The following FARP2 variants were observed in gnomAD, a reference collection of about 807,000 sequenced individuals.
FARP2 encodes FERM, ARHGEF and pleckstrin domain-containing protein 2.
A neutral mutation model predicts 130.5 loss-of-function variants in FARP2; 111 were observed. The observed-to-expected ratio is 0.85, with a 90% CI of 0.73 to 1.00. FARP2 has a LOEUF of 1.00. FARP2 is among the 50% of genes least tolerant of loss of function. The pLI, the probability that FARP2 is intolerant of heterozygous loss-of-function variation, is 0.00. For missense variants in FARP2, 1,385 were observed against 1,346.3 expected, an observed-to-expected ratio of 1.03 and a Z score of -0.45; for synonymous variants, 504 against 516.9, an observed-to-expected ratio of 0.98 and a Z score of 0.34.
intron 1 of FARP2, among the ~76,000 whole-genome samples, chr2:241,359,448 A>G (rs2061134968): frequency 6.6e-6 from 1 of 152,068 alleles, no homozygotes; most frequent in Non-Finnish European, 1.5e-5. Flanking sequence ...GGCCCACTAG[A>G]GCTCGCGCAG....
intron 10 of FARP2, 42 bp downstream of exon 10, chr2:241,434,363 T>G: frequency 6.9e-7 from 1 of 1,453,878 alleles, no homozygotes; most frequent in East Asian, 2.4e-5. Context: ...CTCACTGGTT[T>G]GTAAAGCTGA....
intron 26 of FARP2, 114 bp downstream of exon 26, chr2:241,493,558 A>G (rs2124927825): frequency 1.1e-6 from 1 of 918,774 alleles, no homozygotes; most frequent in South Asian, 1.5e-5. Flanking sequence ...GGAAGGGCTG[A>G]GCAATGCTTC....
At chr2:241,466,828 G>A (rs575326603) in intron 17 of FARP2, among the ~76,000 whole-genome samples, 1 of 152,130 alleles carries the variant, frequency 6.6e-6, no homozygotes, top group South Asian at 2.1e-4. Context: ...ATGTAAATAC[G>A]GCCAGCTCTT....
chr2:241,424,684 A>G (rs2062887317), intron 8 of FARP2, among the ~76,000 whole-genome samples: 1 of 150,900 alleles, frequency 6.6e-6, no homozygotes, highest in African/African-American at 2.4e-5. Flanking sequence ...TTTTGAAAAA[A>G]TTAATAAAAT....
At chr2:241,437,136 T>C (rs1279347522) in intron 12 of FARP2, among the ~76,000 whole-genome samples, 1 of 152,258 alleles carries the variant, frequency 6.6e-6, no homozygotes, top group Non-Finnish European at 1.5e-5. Flanking sequence ...TGTTAACTGC[T>C]GAAAGCATGG....
chr2:241,404,013 A>G lies in FARP2; in HGVS notation c.288+81A>G, dbSNP rs2062266263. The G allele has an allele frequency of 1.6e-5, 12 of 738,982 alleles. No individual in the cohort carries two copies. In the South Asian group the frequency reaches 1.8e-4, roughly 11 times the overall value. 45.8% of individuals were successfully genotyped at this position (738,982 alleles called of 1,614,324 possible). A position where few individuals can be genotyped will look rare whatever the true frequency, so the allele number is the denominator to read the frequency against. On this transcript the variant is annotated intron_variant, in intron 3 of 26. Coordinates refer to ENST00000264042, the MANE Select transcript of FARP2 (RefSeq NM_014808.4). ...CCGCAAGATCTTTCATCATTGCCAC[A>G]TCATCAGCATTAAATGTTTTTGCTA... is the stretch of plus-strand genomic sequence containing the variant.
intron 13 of FARP2, among the ~76,000 whole-genome samples, chr2:241,448,810 G>T (rs4675956): frequency 0.033 from 5,073 of 152,292 alleles, 507 homozygotes; most frequent in Admixed American, 0.19. Context: ...TGGCTCCACC[G>T]TGTGCTGCCT....
chr2:241,485,951 C>G (rs886405623), intron 21 of FARP2, among the ~76,000 whole-genome samples: 5 of 152,212 alleles, frequency 3.3e-5, no homozygotes, highest in Non-Finnish European at 4.4e-5. Context: ...TCTGCACTGC[C>G]TCCTCCTGAC....
intron 2 of FARP2, among the ~76,000 whole-genome samples, chr2:241,388,777 G>C (rs746621004): frequency 6.6e-6 from 1 of 151,582 alleles, no homozygotes; most frequent in African/African-American, 2.4e-5. Context: ...GCAGTGAGCC[G>C]TGATCATGCC....
At chr2:241,466,477 C>A in intron 17 of FARP2, 1 of 985,454 alleles carries the variant, frequency 1.0e-6, no homozygotes, top group Non-Finnish European at 1.2e-6. Context: ...GACTCCTCAG[C>A]CAACCCTGTC....
intron 1 of FARP2, among the ~76,000 whole-genome samples, chr2:241,359,527 C>A (rs987197938): frequency 2.0e-5 from 3 of 152,228 alleles, no homozygotes; most frequent in African/African-American, 7.2e-5. Flanking sequence ...CCTTTCCCAG[C>A]TGCTCCTGCA....
At chr2:241,407,004 T>C (rs1404510363) in intron 4 of FARP2, among the ~76,000 whole-genome samples, 1 of 151,428 alleles carries the variant, frequency 6.6e-6, no homozygotes, top group Non-Finnish European at 1.5e-5. Context: ...GAGACGGGGT[T>C]TCACTGTGTT....
chr2:241,454,292 T>C (rs1367114533), intron 13 of FARP2, among the ~76,000 whole-genome samples: 2 of 152,248 alleles, frequency 1.3e-5, no homozygotes, highest in East Asian at 3.9e-4. Flanking sequence ...ACTGTACTTC[T>C]CTGAGTGAGG....
intron 18 of FARP2, among the ~76,000 whole-genome samples, chr2:241,468,820 C>T (rs2064238858): frequency 2.6e-5 from 4 of 152,230 alleles, no homozygotes; most frequent in South Asian, 2.1e-4. Flanking sequence ...AAGATTGGGC[C>T]AAGGTGACCT....
Position 241,405,795 on chromosome 2 carries a change from G to A in FARP2, c.331+954G>A, listed in dbSNP as rs577530180. 5.9e-5 allele frequency among the ~76,000 whole-genome samples: 9 copies of A among 152,172 alleles called. No homozygotes were observed. In the South Asian group the frequency reaches 1.5e-3, roughly 25 times the overall value. ...CTAAAAATACAAAAATTAGCTAGGC[G>A]TGATGGCGCATGCCTATAATCTCAG... On this transcript the variant is annotated intron_variant, in intron 4 of 26. Transcript: ENST00000264042.
chr2:241,415,383 G>T (rs1161009015), intron 7 of FARP2, among the ~76,000 whole-genome samples: 1 of 152,168 alleles, frequency 6.6e-6, no homozygotes, highest in Non-Finnish European at 1.5e-5. Context: ...AACGGTCACT[G>T]GTTCAGTCTG....
rs760118073 is a variant in FARP2 at position 241,413,411 on chromosome 2, C to T, written c.613C>T (p.Gln205Ter). The change falls in exon 7 of 27, where the codon CAG becomes TAG. Residue 205 changes from glutamine to a stop codon, truncating the protein, a stop_gained. Coordinates refer to ENST00000264042, the MANE Select transcript of FARP2 (RefSeq NM_014808.4). LOFTEE classifies it high-confidence loss of function. The stretch of plus-strand genomic sequence containing the variant: ...CCTTGAGAAGATACTAGAATTCCAT[C>T]AGAAGCACGTGTAAGTCATCACAAT... Reference protein sequence around the residue: ...HCLEKILEFHQKHVGQTPAES... With the variant: ...HCLEKILEFH 1.0e-5 allele frequency: 16 copies of T among 1,605,234 alleles called. No homozygotes were observed. In the African/African-American group the frequency reaches 1.9e-4, roughly 19 times the overall value.
intron 18 of FARP2, among the ~76,000 whole-genome samples, chr2:241,474,839 A>C (rs1451305163): frequency 2.0e-5 from 3 of 150,326 alleles, no homozygotes; most frequent in African/African-American, 7.3e-5. Flanking sequence ...AAATAAATAA[A>C]AAGAAAGAAG....
chr2:241,467,337 A>T (rs2064197095), intron 17 of FARP2, among the ~76,000 whole-genome samples: 2 of 151,890 alleles, frequency 1.3e-5, no homozygotes, highest in African/African-American at 2.4e-5. Flanking sequence ...ATACATGTAT[A>T]CATGTGTTGT....
Sources: allele counts gnomAD v4.1 joint callset (sites outside exome capture counted in the v4.1 genomes callset), GRCh38; gene constraint gnomAD v4.1.1; transcripts MANE v1.5; gene names NCBI Gene and HGNC (gene_info 2026-07-23, HGNC 2026-07-21).